PPM1D: variants seen among roughly 807,000 people sequenced by gnomAD.
The protein encoded by PPM1D is protein phosphatase 1D.
PPM1D carries 52 observed loss-of-function variants against 58.3 expected under a neutral mutation model. The ratio of observed to expected loss-of-function variants is 0.89; its 90% CI spans 0.71 to 1.12. The LOEUF (loss-of-function observed/expected upper bound fraction) is 1.12, where lower values mean the gene tolerates loss of function less well. PPM1D is among the 50% of genes most tolerant of loss of function. The pLI is 0.00. For missense variants in PPM1D, 564 were observed against 777.2 expected, an observed-to-expected ratio of 0.73 and a Z score of 3.26; for synonymous variants, 278 against 285.1, an observed-to-expected ratio of 0.98 and a Z score of 0.25.
intron 1 of PPM1D, among the ~76,000 whole-genome samples, chr17:60,614,651 C>T (rs930888184): frequency 6.6e-6 from 1 of 152,080 alleles, no homozygotes. Flanking sequence ...CTCACTGGGT[C>T]CACACTGTCT....
At chr17:60,651,047 TAGAG>T (rs968387820) in intron 4 of PPM1D, among the ~76,000 whole-genome samples, 6 of 152,190 alleles carry the variant, frequency 3.9e-5, no homozygotes, top group South Asian at 2.1e-4. Flanking sequence ...TATATGCACT[TAGAG>T]AGACTCTGTG....
At chr17:60,622,671 C>G (rs974075686) in intron 1 of PPM1D, among the ~76,000 whole-genome samples, 7 of 152,190 alleles carry the variant, frequency 4.6e-5, no homozygotes, top group African/African-American at 1.7e-4. Context: ...ATAATCATAT[C>G]TGTCTCATAA....
chr17:60,638,612 G>T (rs1195118550), intron 3 of PPM1D, among the ~76,000 whole-genome samples: 1 of 151,966 alleles, frequency 6.6e-6, no homozygotes, highest in African/African-American at 2.4e-5. Flanking sequence ...CAGTTGATCC[G>T]CCCACCTCTG....
intron 1 of PPM1D, among the ~76,000 whole-genome samples, chr17:60,619,259 A>G (rs538968705): frequency 1.3e-5 from 2 of 150,954 alleles, no homozygotes; most frequent in South Asian, 4.2e-4. Flanking sequence ...TTGTGTATAC[A>G]TACATTTTCT....
At position 60,663,361 on chromosome 17, in the gene PPM1D, T is replaced by C; in HGVS notation, c.1627T>C (p.Ser543Pro). ...TAAAAGGACATTAGAAGAGTCCAATTCTGGCCCCCTGATGAAGAAGCATAG... is the reference window on the plus strand; with the variant it reads ...TAAAAGGACATTAGAAGAGTCCAATCCTGGCCCCCTGATGAAGAAGCATAG... ...NFKRTLEESNSGPLMKKHRRN... is the reference protein window; with the variant it reads ...NFKRTLEESNPGPLMKKHRRN... The change falls in exon 6 of 6, where the codon TCT (serine) becomes CCT (proline). Residue 543 changes from serine to proline, a missense_variant. By Grantham distance (74) the Ser-to-Pro change is moderately conservative. Coordinates refer to ENST00000305921, the MANE Select transcript of PPM1D (RefSeq NM_003620.4). 1 of 1,614,192 alleles carries C rather than the reference T, an allele frequency of 6.2e-7. No homozygotes were observed. The highest frequency in any genetic ancestry group is 8.5e-7 in the Non-Finnish European group (1 of 1,180,036).
intron 1 of PPM1D, among the ~76,000 whole-genome samples, chr17:60,618,952 T>C (rs2143646249): frequency 6.6e-6 from 1 of 152,288 alleles, no homozygotes; most frequent in South Asian, 2.1e-4. Context: ...CAAAACAGTA[T>C]TATTAACTAT....
intron 1 of PPM1D, among the ~76,000 whole-genome samples, chr17:60,617,046 C>G (rs1295265449): frequency 6.6e-6 from 1 of 151,988 alleles, no homozygotes; most frequent in East Asian, 1.9e-4. Context: ...CTCCTGAGCT[C>G]AAGTGATCCT....
chr17:60,638,612 G>A (rs1195118550), intron 3 of PPM1D, among the ~76,000 whole-genome samples: 2 of 152,084 alleles, frequency 1.3e-5, no homozygotes, highest in Middle Eastern at 3.4e-3. Flanking sequence ...CAGTTGATCC[G>A]CCCACCTCTG....
At chr17:60,601,527 G>C (rs2030211481) in intron 1 of PPM1D, among the ~76,000 whole-genome samples, 1 of 152,206 alleles carries the variant, frequency 6.6e-6, no homozygotes, top group South Asian at 2.1e-4. Flanking sequence ...CGCGGAACGT[G>C]TTGTTACCTC....
At chr17:60,605,828 C>T (rs2030317964) in intron 1 of PPM1D, among the ~76,000 whole-genome samples, 1 of 152,302 alleles carries the variant, frequency 6.6e-6, no homozygotes, top group Admixed American at 6.5e-5. Flanking sequence ...TTGCTTGAAC[C>T]TGGGAGGCAG....
At chr17:60,635,396 G>A (rs1369746011) in intron 3 of PPM1D, among the ~76,000 whole-genome samples, 1 of 152,002 alleles carries the variant, frequency 6.6e-6, no homozygotes, top group East Asian at 1.9e-4. Flanking sequence ...TGTATTTTTA[G>A]TAGAGACGGG....
Position 60,647,202 on chromosome 17 carries a change from T to G in PPM1D, c.827-690T>G, listed in dbSNP as rs182351277. Among the ~76,000 whole-genome samples, 439 of 152,350 alleles carry G rather than the reference T, an allele frequency of 2.9e-3. 1 individual carries two copies. Among genetic ancestry groups the G allele is most frequent in the Non-Finnish European group, 4.4e-3 (297 of 68,030 alleles). On this transcript the variant is annotated intron_variant, in intron 3 of 5. Coordinates refer to ENST00000305921, the MANE Select transcript of PPM1D (RefSeq NM_003620.4). ...TTGACATCTTTATTATAGTAAGTAT[T>G]GCTATCTATGAATCTGATTGGTTAC...
Position 60,647,990 on chromosome 17 carries a change from A to G in PPM1D, c.925A>G (p.Ile309Val). ...TCTTGACCCTCAGAAGCACAAGTAT[A>G]TTATATTGGGGAGTGATGGACTTTG... Reference protein sequence around the residue: ...HTLDPQKHKYIILGSDGLWNM... With the variant: ...HTLDPQKHKYVILGSDGLWNM... Residue 309 changes from isoleucine to valine, a missense_variant, in exon 4 of 6, where the codon ATT becomes GTT. Ile to Val is a conservative substitution (Grantham distance 29, BLOSUM62 3). This residue lies in a region of PPM1D where 95 missense variants were observed against 232.6 expected (regional missense o/e 0.41). Coordinates refer to ENST00000305921, the MANE Select transcript of PPM1D (RefSeq NM_003620.4). 6.2e-7 allele frequency: 1 copy of G among 1,614,016 alleles called. No homozygotes were observed. The highest frequency in any genetic ancestry group is 2.2e-5 in the East Asian group (1 of 44,874).
intron 1 of PPM1D, among the ~76,000 whole-genome samples, chr17:60,614,059 C>T (rs1485787541): frequency 8.8e-6 from 1 of 113,662 alleles, no homozygotes; most frequent in Admixed American, 9.4e-5. Context: ...GCTCCACCTG[C>T]GGCCCCGGTG....
intron 5 of PPM1D, among the ~76,000 whole-genome samples, chr17:60,657,805 T>C (rs1381789734): frequency 6.6e-6 from 1 of 152,180 alleles, no homozygotes; most frequent in African/African-American, 2.4e-5. Flanking sequence ...AATGGCATTA[T>C]CTTGGCTCAC....
In PPM1D at chr17:60,663,279, G is replaced by A. The variant is rs2031561854; in HGVS notation, c.1545G>A (p.Met515Ile). The A allele has an allele frequency of 1.9e-6, 3 of 1,614,038 alleles. No homozygotes were observed. The highest frequency in any genetic ancestry group is 4.5e-5 in the East Asian group (2 of 44,902). Residue 515 changes from methionine (M) to isoleucine (I), a missense_variant, in exon 6 of 6, where the codon ATG becomes ATA. By Grantham distance (10) the Met-to-Ile change is conservative. Around this residue, in one of 7 missense-constraint regions of PPM1D, gnomAD observed 261 missense variants for 270.1 expected, o/e 0.97. Transcript: ENST00000305921. ...TCATGGACCAAAAAAATTTGAAGATGTCAACTCCTGGCCAAATGAAAGCCC... is the reference window on the plus strand; with the variant it reads ...TCATGGACCAAAAAAATTTGAAGATATCAACTCCTGGCCAAATGAAAGCCC... ...NTVMDQKNLKMSTPGQMKAQE... is the reference protein window; with the variant it reads ...NTVMDQKNLKISTPGQMKAQE...
At chr17:60,614,566 T>C (rs560386634) in intron 1 of PPM1D, among the ~76,000 whole-genome samples, 1 of 152,076 alleles carries the variant, frequency 6.6e-6, no homozygotes, top group South Asian at 2.1e-4. Context: ...TCAGCCAACA[T>C]TGGCAACACG....
chr17:60,633,827 T>A, intron 2 of PPM1D, 26 bp from the exon 3 acceptor site: 2 of 1,581,778 alleles, frequency 1.3e-6, no homozygotes, highest in Non-Finnish European at 1.7e-6. Flanking sequence ...TCATTTAGAT[T>A]ATTTATGTGA....
intron 1 of PPM1D, among the ~76,000 whole-genome samples, chr17:60,612,182 A>G (rs149333727): frequency 3.3e-5 from 5 of 152,292 alleles, no homozygotes; most frequent in African/African-American, 7.2e-5. Flanking sequence ...ATCACGCCCA[A>G]AAGTTTCCTT....
Sources: gnomAD v4.1 joint callset for allele counts (sites outside exome capture counted in the v4.1 genomes callset) on GRCh38, gnomAD v4.1.1 for gene constraint, gnomAD v4.1.1 regional missense constraint, MANE v1.5 for transcripts, NCBI Gene and HGNC (gene_info 2026-07-23, HGNC 2026-07-21) for gene names.